KIAA1217: variants seen among roughly 807,000 people sequenced by gnomAD.
The protein encoded by KIAA1217 is sickle tail protein homolog.
Under a neutral mutation model 163.9 loss-of-function variants are expected in KIAA1217, and 88 were observed. The ratio of observed to expected loss-of-function variants is 0.54; its 90% CI spans 0.45 to 0.64. The LOEUF (loss-of-function observed/expected upper bound fraction) is 0.64. Ranked by LOEUF, KIAA1217 falls within the 30% of genes least tolerant of loss-of-function variation. The probability of loss-of-function intolerance (pLI) is 0.00; values close to 1 mark genes in which losing one functional copy is unlikely to be tolerated. For missense variants in KIAA1217, 2,372 were observed against 2,475.0 expected, an observed-to-expected ratio of 0.96 and a Z score of 0.88; for synonymous variants, 903 against 923.1, an observed-to-expected ratio of 0.98 and a Z score of 0.39.
intron 5 of KIAA1217, among the ~76,000 whole-genome samples, chr10:24,469,495 G>A (rs570957638): frequency 2.0e-5 from 3 of 152,160 alleles, no homozygotes; most frequent in Non-Finnish European, 2.9e-5. Context: ...AATTGGGATC[G>A]TAGTCCCCCA....
chr10:23,794,155 T>C (rs1213012052), intron 1 of KIAA1217, among the ~76,000 whole-genome samples: 2 of 152,210 alleles, frequency 1.3e-5, no homozygotes, highest in African/African-American at 2.4e-5. Context: ...ATGTGTCATG[T>C]CTTCCCACCT....
chr10:24,137,727 T>C (rs1043806471), intron 2 of KIAA1217, among the ~76,000 whole-genome samples: 3 of 152,226 alleles, frequency 2.0e-5, no homozygotes, highest in South Asian at 4.1e-4. Context: ...AAGGTTTTAT[T>C]ATCAAAAATA....
intron 14 of KIAA1217, among the ~76,000 whole-genome samples, chr10:24,530,129 C>T (rs952818787): frequency 2.0e-5 from 3 of 152,140 alleles, no homozygotes; most frequent in African/African-American, 7.2e-5. Context: ...TCTGTTCTCT[C>T]TGCCCCATTA....
chr10:24,201,186 G>T (rs571761560), intron 2 of KIAA1217, among the ~76,000 whole-genome samples: 15 of 152,206 alleles, frequency 9.9e-5, no homozygotes, highest in Admixed American at 9.2e-4. Flanking sequence ...CAGGAGAATT[G>T]CTTGAACCCA....
intron 9 of KIAA1217, among the ~76,000 whole-genome samples, chr10:24,508,218 C>T (rs999126598): frequency 2.0e-4 from 31 of 151,878 alleles, no homozygotes; most frequent in South Asian, 2.1e-4. Flanking sequence ...TGTTTTAATA[C>T]GAAAAAAATC....
At chr10:24,415,110 C>CTTTT (rs71397948) in intron 3 of KIAA1217, among the ~76,000 whole-genome samples, 11 of 120,236 alleles carry the variant, frequency 9.1e-5, no homozygotes, top group Non-Finnish European at 8.4e-5. Context: ...TGATCTCTCT[C>CTTTT]TTTTTTTTTT....
chr10:24,483,138 G>C (rs1316338043), intron 6 of KIAA1217: 2 of 152,164 alleles, frequency 1.3e-5, no homozygotes, highest in Non-Finnish European at 2.9e-5. Context: ...GAGAATACTG[G>C]GTCCTAATAG....
chr10:24,383,320 A>T (rs1021701267), intron 3 of KIAA1217, among the ~76,000 whole-genome samples: 3 of 152,040 alleles, frequency 2.0e-5, no homozygotes, highest in African/African-American at 7.2e-5. Context: ...ACCTGGGGGA[A>T]CTTTGACTCT....
chr10:24,320,906 G>A (rs1263913266), intron 2 of KIAA1217, among the ~76,000 whole-genome samples: 1 of 152,086 alleles, frequency 6.6e-6, no homozygotes, highest in African/African-American at 2.4e-5. Context: ...AATTAGCCGG[G>A]TGTGGTGGCA....
At chr10:23,876,439 A>G (rs1268988298) in intron 1 of KIAA1217, among the ~76,000 whole-genome samples, 5 of 151,878 alleles carry the variant, frequency 3.3e-5, no homozygotes, top group African/African-American at 1.2e-4. Flanking sequence ...ATCAAGTAAT[A>G]TACCCATGTA....
At chr10:24,197,506 A>G (rs1430087370) in intron 2 of KIAA1217, among the ~76,000 whole-genome samples, 2 of 152,230 alleles carry the variant, frequency 1.3e-5, no homozygotes, top group Non-Finnish European at 2.9e-5. Flanking sequence ...GCACTGACCA[A>G]AGTCAATCAG....
intron 3 of KIAA1217, among the ~76,000 whole-genome samples, chr10:24,387,721 T>C (rs1254674714): frequency 6.6e-6 from 1 of 152,104 alleles, no homozygotes; most frequent in African/African-American, 2.4e-5. Flanking sequence ...GGATACAAAA[T>C]CAATGTGCAA....
At chr10:24,143,986 C>T (rs2064197347) in intron 2 of KIAA1217, among the ~76,000 whole-genome samples, 1 of 151,968 alleles carries the variant, frequency 6.6e-6, no homozygotes, top group African/African-American at 2.4e-5. Flanking sequence ...AGTCTGTAAC[C>T]CAACTCTGTA....
At position 24,545,146 on chromosome 10, in the gene KIAA1217, G is replaced by A; in HGVS notation, c.5334+43G>A. The A allele has an allele frequency of 1.9e-6, 3 of 1,610,874 alleles. 1 individual carries two copies. In the South Asian group the frequency reaches 3.3e-5, roughly 18 times the overall value. On this transcript the variant is annotated intron_variant, in intron 20 of 20. Transcript: ENST00000376454. The stretch of plus-strand genomic sequence containing the variant: ...CCACTTTTGGATGGACGCTATTTCA[G>A]TTAAGCAAGTCACTGACTTAGTTTA...
intron 2 of KIAA1217, among the ~76,000 whole-genome samples, chr10:24,242,750 T>C (rs2073260058): frequency 6.6e-6 from 1 of 152,176 alleles, no homozygotes; most frequent in African/African-American, 2.4e-5. Flanking sequence ...CACCAGCATG[T>C]TATTTTTTGA....
intron 5 of KIAA1217, among the ~76,000 whole-genome samples, chr10:24,463,417 A>G (rs1422983448): frequency 6.6e-6 from 1 of 152,202 alleles, no homozygotes; most frequent in Non-Finnish European, 1.5e-5. Flanking sequence ...CCTGGGAATT[A>G]AATAATTTTG....
intron 2 of KIAA1217, among the ~76,000 whole-genome samples, chr10:24,250,467 C>A (rs969836853): frequency 3.3e-5 from 5 of 151,154 alleles, no homozygotes; most frequent in African/African-American, 1.2e-4. Context: ...GGGTCTCTCT[C>A]TGTCACCCAG....
rs778238291 is a variant in KIAA1217, at chr10:24,544,178, C to T, written c.4908C>T (p.Asn1636=). 1 of 1,614,118 alleles carries T rather than the reference C, an allele frequency of 6.2e-7. No individual in the cohort carries two copies. The highest frequency in any genetic ancestry group is 1.1e-5 in the South Asian group (1 of 91,080). Residue 1636 remains asparagine, a synonymous_variant, in exon 19 of 21, where the codon AAC becomes AAT. Transcript: ENST00000376454. ...ARSQPEDTPE[N]TVRRQEQPSI... The stretch of plus-strand genomic sequence containing the variant: ...CTCAACCTGAAGACACCCCTGAAAA[C>T]ACAGTGAGGAGGCAAGAGCAGCCCA...
intron 1 of KIAA1217, among the ~76,000 whole-genome samples, chr10:23,789,259 G>A (rs528823398): frequency 3.3e-5 from 5 of 152,188 alleles, no homozygotes; most frequent in East Asian, 1.9e-4. Context: ...GTGATTCAAC[G>A]TTTGCATTTA....
Sources: allele counts gnomAD v4.1 joint callset (sites outside exome capture counted in the v4.1 genomes callset), GRCh38; gene constraint gnomAD v4.1.1; transcripts MANE v1.5; gene names NCBI Gene and HGNC (gene_info 2026-07-23, HGNC 2026-07-21).